The following NAALADL2 variants were observed in gnomAD, a reference collection of about 807,000 sequenced individuals.
NAALADL2 encodes N-acetylated alpha-linked acidic dipeptidase like 2.
NAALADL2 carries 76 observed loss-of-function variants against 87.2 expected under a neutral mutation model. The observed-to-expected ratio is 0.87, with a 90% CI of 0.72 to 1.05. The LOEUF (loss-of-function observed/expected upper bound fraction) is 1.05, where lower values mean the gene tolerates loss of function less well. Ranked by LOEUF, NAALADL2 falls within the 50% of genes least tolerant of loss-of-function variation. NAALADL2 has a pLI of 0.00. For synonymous variants in NAALADL2, 354 were observed against 331.0 expected, an observed-to-expected ratio of 1.07 and a Z score of -0.75; for missense variants, 1,089 against 945.8, an observed-to-expected ratio of 1.15 and a Z score of -1.99.
At chr3:175,348,643 C>G (rs1763409488) in intron 5 of NAALADL2, among the ~76,000 whole-genome samples, 1 of 152,106 alleles carries the variant, frequency 6.6e-6, no homozygotes, top group South Asian at 2.1e-4. Flanking sequence ...ATTTCTGCCT[C>G]CATCTCCCCA....
intron 3 of NAALADL2, among the ~76,000 whole-genome samples, chr3:174,765,539 T>A (rs908513292): frequency 2.6e-5 from 4 of 152,176 alleles, no homozygotes; most frequent in Admixed American, 2.0e-4. Flanking sequence ...CTATGGGCCC[T>A]GAAGAGGTAG....
At chr3:175,310,507 T>C (rs893213981) in intron 4 of NAALADL2, among the ~76,000 whole-genome samples, 10 of 152,094 alleles carry the variant, frequency 6.6e-5, no homozygotes, top group Non-Finnish European at 1.0e-4. Context: ...TTATTACCTT[T>C]AGAGATATTT....
chr3:174,909,355 A>G (rs944948409), intron 1 of NAALADL2, among the ~76,000 whole-genome samples: 1 of 152,126 alleles, frequency 6.6e-6, no homozygotes, highest in Non-Finnish European at 1.5e-5. Context: ...AGACAGTGCC[A>G]TTGCACTCCA....
intron 13 of NAALADL2, among the ~76,000 whole-genome samples, chr3:175,770,413 G>A (rs1057205664): frequency 2.0e-5 from 3 of 152,140 alleles, no homozygotes; most frequent in East Asian, 1.9e-4. Context: ...TTGACAAGGC[G>A]AGATTACTTT....
intron 13 of NAALADL2, among the ~76,000 whole-genome samples, chr3:175,787,944 G>A (rs934849519): frequency 1.3e-5 from 2 of 152,060 alleles, no homozygotes; most frequent in African/African-American, 4.8e-5. Flanking sequence ...TATAGCCTAA[G>A]TGTACAGTGT....
intron 11 of NAALADL2, among the ~76,000 whole-genome samples, chr3:175,661,128 C>T (rs1271688344): frequency 6.6e-6 from 1 of 152,106 alleles, no homozygotes; most frequent in Non-Finnish European, 1.5e-5. Context: ...TAAAGATGTT[C>T]CCCTTTCTCC....
intron 3 of NAALADL2, among the ~76,000 whole-genome samples, chr3:174,838,288 C>T (rs755520317): frequency 6.6e-6 from 1 of 152,100 alleles, no homozygotes; most frequent in Non-Finnish European, 1.5e-5. Context: ...CGACAAAATC[C>T]AGCATGACTT....
At chr3:174,816,604 A>G (rs1389150444) in intron 3 of NAALADL2, among the ~76,000 whole-genome samples, 1 of 151,088 alleles carries the variant, frequency 6.6e-6, no homozygotes, top group East Asian at 1.9e-4. Flanking sequence ...TGAAATATGA[A>G]TTACCAATGA....
At chr3:175,243,875 G>T (rs1487721555) in intron 3 of NAALADL2, among the ~76,000 whole-genome samples, 1 of 152,096 alleles carries the variant, frequency 6.6e-6, no homozygotes, top group Non-Finnish European at 1.5e-5. Context: ...AATCAAGAGG[G>T]AAGGTAATTT....
At chr3:174,985,184 C>T (rs1462149095) in intron 1 of NAALADL2, among the ~76,000 whole-genome samples, 3 of 152,006 alleles carry the variant, frequency 2.0e-5, no homozygotes, top group African/African-American at 7.3e-5. Flanking sequence ...AACTAAAATG[C>T]TAAATAATAT....
intron 1 of NAALADL2, among the ~76,000 whole-genome samples, chr3:174,927,300 G>A (rs529725206): frequency 2.5e-4 from 38 of 152,164 alleles, no homozygotes; most frequent in African/African-American, 7.5e-4. Flanking sequence ...ACAGATCAAC[G>A]GGACAGAAAG....
At chr3:175,000,533 A>G (rs1273638521) in intron 1 of NAALADL2, among the ~76,000 whole-genome samples, 1 of 152,184 alleles carries the variant, frequency 6.6e-6, no homozygotes, top group Non-Finnish European at 1.5e-5. Context: ...ATGCCAACCA[A>G]GTAACTGGTG....
intron 1 of NAALADL2, among the ~76,000 whole-genome samples, chr3:174,874,079 A>G (rs1728184646): frequency 6.6e-6 from 1 of 152,050 alleles, no homozygotes; most frequent in Non-Finnish European, 1.5e-5. Flanking sequence ...CCTCCAGCCC[A>G]CTGATTACAG....
intron 2 of NAALADL2, among the ~76,000 whole-genome samples, chr3:175,225,689 G>GA (rs904229982): frequency 6.6e-6 from 1 of 151,864 alleles, no homozygotes. Flanking sequence ...TCACTTACTT[G>GA]AAAAAAATAG....
intron 1 of NAALADL2, among the ~76,000 whole-genome samples, chr3:174,975,650 AG>A (rs1222909132): frequency 2.2e-4 from 34 of 152,138 alleles, no homozygotes; most frequent in African/African-American, 8.0e-4. Context: ...GTGATGGGCT[AG>A]TTGCTGTGAT....
chr3:174,689,810 T>C (rs1728395515), intron 2 of NAALADL2, among the ~76,000 whole-genome samples: 1 of 152,130 alleles, frequency 6.6e-6, no homozygotes, highest in Admixed American at 6.6e-5. Context: ...AAATACAGTT[T>C]AGGAAAACTC....
At chr3:175,292,459 T>C (rs1376864101) in intron 4 of NAALADL2, among the ~76,000 whole-genome samples, 1 of 152,186 alleles carries the variant, frequency 6.6e-6, no homozygotes, top group African/African-American at 2.4e-5. Flanking sequence ...ATTTTTTATC[T>C]TGGTATATTC....
At chr3:175,586,706 T>C (rs931114428) in intron 10 of NAALADL2, among the ~76,000 whole-genome samples, 1 of 152,216 alleles carries the variant, frequency 6.6e-6, no homozygotes, top group African/African-American at 2.4e-5. Context: ...GCTTTATTTT[T>C]ATTCATGATG....
At chr3:175,136,078 C>G (rs1285603471) in intron 2 of NAALADL2, among the ~76,000 whole-genome samples, 1 of 152,248 alleles carries the variant, frequency 6.6e-6, no homozygotes, top group East Asian at 1.9e-4. Context: ...CATTGTGAAC[C>G]TACTCCTTAG....
Sources: allele counts gnomAD v4.1 joint callset (sites outside exome capture counted in the v4.1 genomes callset), GRCh38; gene constraint gnomAD v4.1.1; transcripts MANE v1.5; gene names NCBI Gene and HGNC (gene_info 2026-07-23, HGNC 2026-07-21).